The following B4GALT1 variants were observed in gnomAD, a reference collection of about 807,000 sequenced individuals.
B4GALT1 encodes the protein beta-1,4-galactosyltransferase 1, also known as N-acetyllactosamine synthase.
A neutral mutation model predicts 34.9 loss-of-function variants in B4GALT1; 16 were observed. The ratio of observed to expected loss-of-function variants is 0.46; its 90% CI spans 0.31 to 0.70. The LOEUF is 0.70. B4GALT1 is among the 30% of genes least tolerant of loss of function. The probability of loss-of-function intolerance (pLI) is 0.05; values close to 1 mark genes in which losing one functional copy is unlikely to be tolerated. For missense variants in B4GALT1, 445 were observed against 530.5 expected, an observed-to-expected ratio of 0.84 and a Z score of 1.58; for synonymous variants, 221 against 218.1, an observed-to-expected ratio of 1.01 and a Z score of -0.12.
intron 4 of B4GALT1, 146 bp from the exon 5 acceptor site, chr9:33,114,024 C>T (rs1490937690): frequency 5.3e-6 from 4 of 751,846 alleles, no homozygotes; most frequent in African/African-American, 5.2e-5. Context: ...GAACCCAGCC[C>T]AGCATGACCC....
intron 1 of B4GALT1, among the ~76,000 whole-genome samples, chr9:33,138,862 A>G (rs544296991): frequency 1.3e-5 from 2 of 152,206 alleles, no homozygotes; most frequent in South Asian, 2.1e-4. Flanking sequence ...TCCCTCAGCA[A>G]CTGACACCAC....
At chr9:33,106,789 G>C (rs912959013), downstream of B4GALT1, among the ~76,000 whole-genome samples, 2 of 152,138 alleles carry the variant, frequency 1.3e-5, no homozygotes, top group African/African-American at 4.8e-5. Context: ...AGGGCAAGAG[G>C]AAAAGTCAAC....
intron 4 of B4GALT1, among the ~76,000 whole-genome samples, chr9:33,114,468 G>A (rs538734445): frequency 1.3e-5 from 2 of 152,332 alleles, no homozygotes; most frequent in African/African-American, 4.8e-5. Context: ...GGCCTTCTCA[G>A]AGCATCCCAC....
At chr9:33,166,548 C>T (rs1195945936) in intron 1 of B4GALT1, among the ~76,000 whole-genome samples, 1 of 152,224 alleles carries the variant, frequency 6.6e-6, no homozygotes, top group Non-Finnish European at 1.5e-5. Flanking sequence ...GGTCCCGGCC[C>T]CACGCCTCCA....
chr9:33,170,421 TA>T (rs1380481034), upstream of B4GALT1, among the ~76,000 whole-genome samples: 2 of 152,276 alleles, frequency 1.3e-5, no homozygotes, highest in African/African-American at 4.8e-5. Flanking sequence ...ATCCTGTGTC[TA>T]GGGGTAAAGT....
chr9:33,109,135 T>C (rs140029856), downstream of B4GALT1, among the ~76,000 whole-genome samples: 5 of 152,280 alleles, frequency 3.3e-5, no homozygotes, highest in East Asian at 9.7e-4. Context: ...CCCACTCCCA[T>C]CCTTCAGGAA....
At chr9:33,139,035 C>CCA (rs1840310340) in intron 1 of B4GALT1, among the ~76,000 whole-genome samples, 1 of 152,186 alleles carries the variant, frequency 6.6e-6, no homozygotes, top group African/African-American at 2.4e-5. Context: ...TGCTGACAAC[C>CCA]CACAGAAGCC....
In B4GALT1 at chr9:33,131,025, A is replaced by T. The variant is rs181651752; in HGVS notation, c.648+4164T>A. Among the ~76,000 whole-genome samples the T allele has an allele frequency of 8.3e-4, 127 of 152,276 alleles. 1 individual carries two copies. The highest frequency in any genetic ancestry group is 1.3e-3 in the Non-Finnish European group (89 of 68,010). On this transcript the variant is annotated intron_variant, in intron 2 of 5. Transcript: ENST00000379731. ...TCATAACCCTCCCCACCAAGGAGGA[A>T]ACTGAGGCCTGCAGAGCTTAAGTAA...
intron 3 of B4GALT1, among the ~76,000 whole-genome samples, chr9:33,118,141 C>T (rs922878729): frequency 4.6e-5 from 7 of 152,046 alleles, no homozygotes; most frequent in Admixed American, 1.3e-4. Flanking sequence ...GATACACACA[C>T]GGAGAGGGAG....
At chr9:33,166,686 T>C in intron 1 of B4GALT1, 72 bp downstream of exon 1, 1 of 1,421,414 alleles carries the variant, frequency 7.0e-7, no homozygotes, top group Non-Finnish European at 9.3e-7. Flanking sequence ...CCTGAGGGAA[T>C]GTCTGGGGGA....
chr9:33,116,008 ATCT>A lies in B4GALT1; in HGVS notation c.939_941del (p.Glu313del), dbSNP rs749067079. On this transcript the variant is annotated inframe_deletion, in exon 4 of 6. Transcript: ENST00000379731. ...ACCATTACCTGTTAAAAATGTCATCATCTTCTCCTCCCCAGCCCCAATAATTAT... is the reference window on the plus strand; with the variant it reads ...ACCATTACCTGTTAAAAATGTCATCATCTCCTCCCCAGCCCCAATAATTAT... 2 of 1,612,294 alleles carry A rather than the reference ATCT, an allele frequency of 1.2e-6. No homozygotes were observed. Among genetic ancestry groups the A allele is most frequent in the Non-Finnish European group, 1.7e-6 (2 of 1,178,682 alleles).
At chr9:33,181,335 G>T in the B4GALT1 span, among the ~76,000 whole-genome samples, 1 of 151,624 alleles carries the variant, frequency 6.6e-6, no homozygotes. Flanking sequence ...GAGGTGAGAG[G>T]ATTGCCTAAG....
At chr9:33,172,368 C>T in the B4GALT1 span, among the ~76,000 whole-genome samples, 1 of 152,154 alleles carries the variant, frequency 6.6e-6, no homozygotes, top group African/African-American at 2.4e-5. Flanking sequence ...CTTCACTGGT[C>T]ACATGTGCAA....
intron 2 of B4GALT1, among the ~76,000 whole-genome samples, chr9:33,122,442 G>T (rs1840034454): frequency 6.6e-6 from 1 of 152,116 alleles, no homozygotes; most frequent in African/African-American, 2.4e-5. Context: ...GGGAGGTTGA[G>T]GTTGCAGTGA....
chr9:33,164,605 A>T (rs1219283377), intron 1 of B4GALT1, among the ~76,000 whole-genome samples: 4 of 152,222 alleles, frequency 2.6e-5, no homozygotes, highest in Admixed American at 1.3e-4. Context: ...TAGAAACACC[A>T]GTAACTGGTG....
the B4GALT1 span, among the ~76,000 whole-genome samples, chr9:33,178,745 G>A: frequency 6.6e-6 from 1 of 152,360 alleles, no homozygotes; most frequent in Middle Eastern, 3.4e-3. Context: ...GCCAACAGAA[G>A]CCTGGCAACT....
the B4GALT1 span, among the ~76,000 whole-genome samples, chr9:33,182,124 A>G: frequency 6.6e-6 from 1 of 152,092 alleles, no homozygotes; most frequent in Admixed American, 6.5e-5. Flanking sequence ...TGAAAACTCT[A>G]AGAAAGAATT....
chr9:33,119,683 T>G (rs1255273428), intron 3 of B4GALT1, among the ~76,000 whole-genome samples: 1 of 152,162 alleles, frequency 6.6e-6, no homozygotes, highest in Non-Finnish European at 1.5e-5. Context: ...GTCACTGCAC[T>G]CCAGCCTGGG....
chr9:33,175,013 A>ATT, the B4GALT1 span, among the ~76,000 whole-genome samples: 3 of 82,244 alleles, frequency 3.6e-5, 1 homozygote, highest in Admixed American at 2.9e-4. Flanking sequence ...ATATATATAT[A>ATT]TATATATAAA....
Sources: gnomAD v4.1 joint callset for allele counts (sites outside exome capture counted in the v4.1 genomes callset) on GRCh38, gnomAD v4.1.1 for gene constraint, MANE v1.5 for transcripts, NCBI Gene and HGNC (gene_info 2026-07-23, HGNC 2026-07-21) for gene names.